GRIK2: variants seen among roughly 807,000 people sequenced by gnomAD.
The protein encoded by GRIK2 is glutamate receptor ionotropic, kainate 2.
A neutral mutation model predicts 100.3 loss-of-function variants in GRIK2; 32 were observed. That is an observed-to-expected ratio of 0.32 (90% CI 0.24 to 0.43). The LOEUF is 0.43. Among genes scored for constraint, GRIK2 ranks in the 20% least tolerant of loss-of-function variants. The probability of loss-of-function intolerance (pLI) is 1.00; values close to 1 mark genes in which losing one functional copy is unlikely to be tolerated. For missense variants in GRIK2, 843 were observed against 1,114.9 expected (o/e 0.76, Z 3.47); for synonymous variants, 417 against 389.4 (o/e 1.07, Z -0.83).
intron 15 of GRIK2, among the ~76,000 whole-genome samples, chr6:102,040,038 A>T (rs1051847893): frequency 1.3e-5 from 2 of 151,488 alleles, no homozygotes; most frequent in Admixed American, 6.6e-5. Flanking sequence ...GTGGGATTAA[A>T]TCAATAGTGA....
intron 3 of GRIK2, among the ~76,000 whole-genome samples, chr6:101,623,728 C>G (rs1189360177): frequency 6.6e-6 from 1 of 152,006 alleles, no homozygotes; most frequent in Non-Finnish European, 1.5e-5. Context: ...GCTTTGTTAC[C>G]CAATAAAAAC....
At position 101,945,082 on chromosome 6, in the gene GRIK2, T is replaced by A. The variant is rs539225289; in HGVS notation, c.2085+16450T>A. ...ACAAGTTTTACCAACATGTTGTGTA[T>A]ATTACAGGAAAATTGCTTTTAGTAC... On this transcript the variant is annotated intron_variant, in intron 14 of 16. Coordinates refer to ENST00000369134, the MANE Select transcript of GRIK2 (RefSeq NM_021956.5). Among the ~76,000 whole-genome samples, 57 of 152,274 alleles carry A rather than the reference T, an allele frequency of 3.7e-4. No homozygotes were observed. In the Middle Eastern group the frequency reaches 0.024, roughly 65 times the overall value.
intron 11 of GRIK2, among the ~76,000 whole-genome samples, chr6:101,886,418 A>G (rs1473822059): frequency 6.6e-6 from 1 of 152,026 alleles, no homozygotes; most frequent in Non-Finnish European, 1.5e-5. Context: ...AATTAAAAGT[A>G]TTATAGTATT....
intron 14 of GRIK2, among the ~76,000 whole-genome samples, chr6:102,027,364 T>A (rs1769759127): frequency 6.6e-6 from 1 of 151,326 alleles, no homozygotes; most frequent in Admixed American, 6.6e-5. Flanking sequence ...AAACTTTTAT[T>A]TATAAATGTC....
chr6:101,405,642 A>G (rs1292977186), intron 2 of GRIK2, among the ~76,000 whole-genome samples: 2 of 152,188 alleles, frequency 1.3e-5, no homozygotes, highest in Non-Finnish European at 2.9e-5. Flanking sequence ...TTCTTGCTGA[A>G]ACTTCTATAT....
chr6:101,435,676 T>A (rs1258792379), intron 2 of GRIK2, among the ~76,000 whole-genome samples: 1 of 152,144 alleles, frequency 6.6e-6, no homozygotes, highest in Non-Finnish European at 1.5e-5. Flanking sequence ...TCCTTTGATA[T>A]CTCAAGATCC....
intron 11 of GRIK2, among the ~76,000 whole-genome samples, chr6:101,888,351 G>A (rs748781760): frequency 6.6e-6 from 1 of 152,158 alleles, no homozygotes; most frequent in East Asian, 1.9e-4. Context: ...GTAGGATTAT[G>A]TAAGTTTTAT....
At chr6:101,830,885 T>A (rs1182268431) in intron 10 of GRIK2, among the ~76,000 whole-genome samples, 1 of 151,992 alleles carries the variant, frequency 6.6e-6, no homozygotes, top group African/African-American at 2.4e-5. Context: ...AAATACTGTA[T>A]GTTCTCACTT....
intron 14 of GRIK2, among the ~76,000 whole-genome samples, chr6:101,944,773 CA>C (rs1313976209): frequency 3.3e-5 from 5 of 151,938 alleles, no homozygotes; most frequent in South Asian, 2.1e-4. Context: ...TGATTTTTCA[CA>C]TTTTTTTAAA....
intron 11 of GRIK2, among the ~76,000 whole-genome samples, chr6:101,861,530 A>G (rs181145882): frequency 2.6e-5 from 4 of 152,304 alleles, no homozygotes; most frequent in Admixed American, 2.0e-4. Flanking sequence ...AGATTAATTA[A>G]ACATAGAGAA....
At chr6:101,751,755 T>C (rs1318335967) in intron 7 of GRIK2, among the ~76,000 whole-genome samples, 2 of 152,204 alleles carry the variant, frequency 1.3e-5, no homozygotes, top group South Asian at 2.1e-4. Flanking sequence ...TTTCTGTAAA[T>C]TGGTGGTTGG....
At chr6:101,467,358 A>G (rs1771700048) in intron 2 of GRIK2, among the ~76,000 whole-genome samples, 1 of 152,148 alleles carries the variant, frequency 6.6e-6, no homozygotes, top group Non-Finnish European at 1.5e-5. Flanking sequence ...AGTCTGTAAA[A>G]CTGCCAGATG....
At chr6:101,418,405 G>A (rs565833602) in intron 2 of GRIK2, among the ~76,000 whole-genome samples, 131 of 152,204 alleles carry the variant, frequency 8.6e-4, no homozygotes, top group South Asian at 3.3e-3. Context: ...ATTACGTATC[G>A]AGGGGTGGGG....
In GRIK2 at chr6:101,760,411, T is replaced by C. The variant is rs1290351795; in HGVS notation, c.952-39237T>C. Among the ~76,000 whole-genome samples the C allele has an allele frequency of 6.2e-3, 255 of 41,378 alleles. 9 individuals carry two copies. Among genetic ancestry groups the C allele is most frequent in the African/African-American group, 0.041 (246 of 5,944 alleles). 27.1% of individuals were successfully genotyped at this position (41,378 alleles called of 152,430 possible). A position where few individuals can be genotyped will look rare whatever the true frequency, so the allele number is the denominator to read the frequency against. On this transcript the variant is annotated intron_variant, in intron 7 of 16. Coordinates refer to ENST00000369134, the MANE Select transcript of GRIK2 (RefSeq NM_021956.5). ...TAATTATATTTAATTATATATTTAT[T>C]ATATATAATTAATTATATTTAATTA...
intron 7 of GRIK2, among the ~76,000 whole-genome samples, chr6:101,781,877 A>G (rs1270111549): frequency 3.3e-5 from 5 of 151,884 alleles, no homozygotes; most frequent in Non-Finnish European, 7.4e-5. Context: ...ATTTCTCACA[A>G]TTCTGGAGGT....
At chr6:101,507,223 A>G (rs576317165) in intron 2 of GRIK2, among the ~76,000 whole-genome samples, 2 of 152,250 alleles carry the variant, frequency 1.3e-5, no homozygotes, top group East Asian at 3.9e-4. Flanking sequence ...AAATGTTTTT[A>G]TATTAACCAA....
intron 10 of GRIK2, among the ~76,000 whole-genome samples, chr6:101,850,588 T>C (rs1007031183): frequency 5.9e-5 from 9 of 152,020 alleles, no homozygotes; most frequent in Non-Finnish European, 1.0e-4. Flanking sequence ...AAATAAAACA[T>C]TTTTATACCC....
At chr6:101,760,593 T>C (rs1243134864) in intron 7 of GRIK2, among the ~76,000 whole-genome samples, 1 of 92,152 alleles carries the variant, frequency 1.1e-5, no homozygotes, top group Non-Finnish European at 1.8e-5. Flanking sequence ...TATAATTATA[T>C]ATAATTATAT....
intron 2 of GRIK2, among the ~76,000 whole-genome samples, chr6:101,509,561 A>T (rs1250568259): frequency 6.6e-6 from 1 of 152,218 alleles, no homozygotes; most frequent in African/African-American, 2.4e-5. Context: ...AGACACTCAG[A>T]AGTCTGCCTT....
Sources: gnomAD v4.1 joint callset for allele counts (sites outside exome capture counted in the v4.1 genomes callset) on GRCh38, gnomAD v4.1.1 for gene constraint, MANE v1.5 for transcripts, NCBI Gene and HGNC (gene_info 2026-07-23, HGNC 2026-07-21) for gene names.